TNPO3: variants seen among roughly 807,000 people sequenced by gnomAD.
TNPO3 encodes transportin 3.
Under a neutral mutation model 122.8 loss-of-function variants are expected in TNPO3, and 65 were observed. That is an observed-to-expected ratio of 0.53 (90% CI 0.43 to 0.65). TNPO3 has a LOEUF of 0.65. Ranked by LOEUF, TNPO3 falls within the 30% of genes least tolerant of loss-of-function variation. TNPO3 has a pLI of 0.00. For missense variants in TNPO3, 850 were observed against 1,136.7 expected, an observed-to-expected ratio of 0.75 and a Z score of 3.63; for synonymous variants, 372 against 411.2, an observed-to-expected ratio of 0.90 and a Z score of 1.15.
chr7:128,975,822 G>C lies in TNPO3; in HGVS notation c.2175C>G (p.Leu725=), dbSNP rs958453001. Residue 725 remains leucine (L), a synonymous_variant, in exon 17 of 23, where the codon CTC becomes CTG. Coordinates refer to ENST00000265388, the MANE Select transcript of TNPO3 (RefSeq NM_012470.4). ...ACACTCCTCATGGAAAAGATACCTGGAGCATGTCTAGCAGTCCCTGCCGAC... is the reference window on the plus strand; with the variant it reads ...ACACTCCTCATGGAAAAGATACCTGCAGCATGTCTAGCAGTCCCTGCCGAC... ...EGCRQGLLDM[L]QALCIPTFQL... 6.2e-7 allele frequency: 1 copy of C among 1,606,556 alleles called. No homozygotes were observed. Among genetic ancestry groups the C allele is most frequent in the Non-Finnish European group, 8.5e-7 (1 of 1,173,246 alleles).
chr7:128,971,581 A>C (rs1798495303), intron 19 of TNPO3, among the ~76,000 whole-genome samples: 1 of 152,222 alleles, frequency 6.6e-6, no homozygotes, highest in Non-Finnish European at 1.5e-5. Context: ...AATAGAATGC[A>C]GAATACTTAC....
intron 9 of TNPO3, 135 bp downstream of exon 9, chr7:128,993,672 C>T: frequency 1.4e-6 from 1 of 706,520 alleles, no homozygotes. Context: ...AGGCAGTGTG[C>T]TAGGCACTTG....
At chr7:129,025,058 A>G (rs1804951585) in intron 1 of TNPO3, among the ~76,000 whole-genome samples, 1 of 151,752 alleles carries the variant, frequency 6.6e-6, no homozygotes, top group African/African-American at 2.4e-5. Flanking sequence ...TACATTATAT[A>G]AAAAAACAGG....
chr7:129,013,801 T>C lies in TNPO3; in HGVS notation c.552+1178A>G, dbSNP rs562938426. ...TTCGTTAGCCACAAAAAGAATAAAA[T>C]CTCCTGTCATTTGCAGCAACATGGA... On this transcript the variant is annotated intron_variant, in intron 4 of 22. Transcript: ENST00000265388. 4.6e-5 allele frequency among the ~76,000 whole-genome samples: 7 copies of C among 152,162 alleles called. No individual in the cohort carries two copies. In the East Asian group the frequency reaches 1.2e-3, roughly 25 times the overall value.
rs558023390 is a variant in TNPO3 at position 128,998,812 on chromosome 7, G to A, written c.1012-1277C>T. Among the ~76,000 whole-genome samples the A allele has an allele frequency of 2.6e-5, 4 of 152,220 alleles. No homozygotes were observed. In the South Asian group the frequency reaches 8.3e-4, roughly 32 times the overall value. ...GTGTTAAGAGGTATGAACCTCATTA[G>A]AGGTATAAACCACTGTGCCCAGCCA... On this transcript the variant is annotated intron_variant, in intron 7 of 22. Coordinates refer to ENST00000265388, the MANE Select transcript of TNPO3 (RefSeq NM_012470.4).
rs935870378 is a variant in TNPO3 at position 128,954,870 on chromosome 7, G to A, written c.*547C>T. ...GAGAGGACAAAACAATAGAAAACCT[G>A]AACAAATGACCCTGACCCTCTTCTT... On this transcript the variant is annotated 3_prime_UTR_variant, in exon 23 of 23. Coordinates refer to ENST00000265388, the MANE Select transcript of TNPO3 (RefSeq NM_012470.4). 1 of 156,122 alleles carries A rather than the reference G, an allele frequency of 6.4e-6. No individual in the cohort carries two copies. The highest frequency in any genetic ancestry group is 1.4e-5 in the Non-Finnish European group (1 of 70,224). 9.7% of individuals were successfully genotyped at this position (156,122 alleles called of 1,614,324 possible).
At chr7:129,018,256 TAAAG>T in intron 1 of TNPO3, 99 bp from the exon 2 acceptor site, 2 of 1,226,540 alleles carry the variant, frequency 1.6e-6, no homozygotes, top group Non-Finnish European at 2.2e-6. Context: ...GCCCAAAGTA[TAAAG>T]AAAGAAAAAT....
At position 128,955,069 on chromosome 7, in the gene TNPO3, G is replaced by C. The variant is rs1183307348; in HGVS notation, c.*348C>G. 1 of 323,358 alleles carries C rather than the reference G, an allele frequency of 3.1e-6. No individual in the cohort carries two copies. Among genetic ancestry groups the C allele is most frequent in the African/African-American group, 2.2e-5 (1 of 44,584 alleles). 20.0% of individuals were successfully genotyped at this position (323,358 alleles called of 1,614,324 possible). On this transcript the variant is annotated 3_prime_UTR_variant, in exon 23 of 23. Transcript: ENST00000265388. ...GCTACCAGGTGAATGTTTCAGTTCTGGTTTCTGTTTAGTCTTCCTTTTTTT... is the reference window on the plus strand; with the variant it reads ...GCTACCAGGTGAATGTTTCAGTTCTCGTTTCTGTTTAGTCTTCCTTTTTTT...
intron 6 of TNPO3, 146 bp from the exon 7 acceptor site, chr7:129,000,713 G>T: frequency 1.2e-6 from 1 of 812,218 alleles, no homozygotes; most frequent in African/African-American, 1.7e-5. Flanking sequence ...CAATCCCCAT[G>T]ACAGACACCT....
At chr7:129,055,316 T>C (rs918772107), upstream of TNPO3, 8 of 157,694 alleles carry the variant, frequency 5.1e-5, no homozygotes, top group Admixed American at 4.8e-4. Flanking sequence ...ATGTGCCCCA[T>C]ATCTGAGCTG....
At position 128,982,272 on chromosome 7, in the gene TNPO3, A is replaced by G; in HGVS notation, c.1835T>C (p.Leu612Ser). ...CCTAAATATCACTGCAAGGCGATCT[A>G]AGAACACTGTGGGATCTGAGGATAT... is the stretch of plus-strand genomic sequence containing the variant. ...NGISSDPTVF[L>S]DRLAVIFRHT... The change falls in exon 14 of 23, where the codon TTA becomes TCA. Residue 612 changes from leucine (L) to serine (S), a missense_variant. Physicochemically the swap from Leu to Ser is moderately radical, Grantham distance 145. Coordinates refer to ENST00000265388, the MANE Select transcript of TNPO3 (RefSeq NM_012470.4). 1 of 1,613,376 alleles carries G rather than the reference A, an allele frequency of 6.2e-7. No individual in the cohort carries two copies. The highest frequency in any genetic ancestry group is 8.5e-7 in the Non-Finnish European group (1 of 1,179,510).
chr7:128,989,906 G>A, intron 11 of TNPO3, 55 bp downstream of exon 11: 1 of 1,586,106 alleles, frequency 6.3e-7, no homozygotes, highest in South Asian at 1.1e-5. Flanking sequence ...GAGATGAGAA[G>A]AAAAATCAGA....
chr7:129,048,402 T>C (rs6467224), intron 1 of TNPO3, among the ~76,000 whole-genome samples: 97,586 of 151,916 alleles, frequency 0.64, 31,696 homozygotes, highest in Middle Eastern at 0.72. Context: ...TGGTGGCATG[T>C]GCCTGTAGTC....
intron 11 of TNPO3, 145 bp from the exon 12 acceptor site, chr7:128,987,065 T>C (rs1158658087): frequency 1.2e-5 from 9 of 774,698 alleles, no homozygotes; most frequent in African/African-American, 1.8e-5. Flanking sequence ...CCACAATAAA[T>C]AAAACACATA....
chr7:129,035,954 T>TCA (rs150819043), intron 1 of TNPO3, among the ~76,000 whole-genome samples: 1 of 116,692 alleles, frequency 8.6e-6, no homozygotes. Flanking sequence ...TCTTTTCTTT[T>TCA]TTTTTTTTTT....
chr7:129,000,665 C>T, intron 6 of TNPO3, 98 bp from the exon 7 acceptor site: 1 of 1,211,042 alleles, frequency 8.3e-7, no homozygotes, highest in South Asian at 1.5e-5. Context: ...GTTCCTCAGT[C>T]TAAGGGACAT....
At chr7:128,997,656 G>A (rs936969199) in intron 7 of TNPO3, 121 bp from the exon 8 acceptor site, 1 of 856,178 alleles carries the variant, frequency 1.2e-6, no homozygotes. Flanking sequence ...AGTGGAGCCA[G>A]TTAAGAAGTC....
chr7:129,038,318 A>G (rs999639025), intron 1 of TNPO3, among the ~76,000 whole-genome samples: 5 of 152,216 alleles, frequency 3.3e-5, no homozygotes, highest in African/African-American at 1.2e-4. Flanking sequence ...AAAATGGACA[A>G]AGCAAAAAAT....
At chr7:128,999,791 T>G (rs1242709116) in intron 7 of TNPO3, among the ~76,000 whole-genome samples, 1 of 152,168 alleles carries the variant, frequency 6.6e-6, no homozygotes, top group African/African-American at 2.4e-5. Context: ...TTTTATATTT[T>G]TAGTGGAGAC....
Sources: allele counts gnomAD v4.1 joint callset (sites outside exome capture counted in the v4.1 genomes callset), GRCh38; gene constraint gnomAD v4.1.1; transcripts MANE v1.5; gene names NCBI Gene and HGNC (gene_info 2026-07-23, HGNC 2026-07-21).